Variants in NAA60 observed in about 807,000 individuals in gnomAD.
The protein encoded by NAA60 is N-alpha-acetyltransferase 60.
A neutral mutation model predicts 26.1 loss-of-function variants in NAA60; 8 were observed. The ratio of observed to expected loss-of-function variants is 0.31; its 90% CI spans 0.18 to 0.55. The LOEUF is 0.55. Among genes scored for constraint, NAA60 ranks in the 20% least tolerant of loss-of-function variants. NAA60 has a pLI of 0.93. For missense variants in NAA60, 290 were observed against 311.3 expected (o/e 0.93, Z 0.51); for synonymous variants, 131 against 122.5 (o/e 1.07, Z -0.46).
At chr16:3,479,681 C>G (rs753238926) in intron 4 of NAA60, 81 bp downstream of exon 4, 65 of 1,524,480 alleles carry the variant, frequency 4.3e-5, no homozygotes, top group Non-Finnish European at 5.6e-5. Context: ...ATCATGCTGC[C>G]TGCTCCACAG....
intron 2 of NAA60, among the ~76,000 whole-genome samples, chr16:3,453,665 C>G (rs1208166438): frequency 6.6e-6 from 1 of 152,086 alleles, no homozygotes; most frequent in Non-Finnish European, 1.5e-5. Context: ...GCCTCAGCCT[C>G]CGAAAGTGCT....
At chr16:3,458,316 C>G in intron 2 of NAA60, 2 of 477,366 alleles carry the variant, frequency 4.2e-6, no homozygotes, top group South Asian at 1.8e-4. Flanking sequence ...GAGGCAGGCC[C>G]GGCCGCGCCC....
At chr16:3,485,157 G>A in intron 7 of NAA60, 96 bp downstream of exon 7, 1 of 788,266 alleles carries the variant, frequency 1.3e-6, no homozygotes, top group South Asian at 1.5e-5. Flanking sequence ...AGAGCCGGAA[G>A]GGGCCGTGGG....
At chr16:3,449,698 G>T (rs2150945827) in intron 2 of NAA60, among the ~76,000 whole-genome samples, 1 of 152,198 alleles carries the variant, frequency 6.6e-6, no homozygotes, top group African/African-American at 2.4e-5. Flanking sequence ...TGGTTTGGCT[G>T]TGTCCCCACC....
intron 2 of NAA60, among the ~76,000 whole-genome samples, chr16:3,452,998 G>A (rs970838552): frequency 6.6e-6 from 1 of 152,094 alleles, no homozygotes; most frequent in Non-Finnish European, 1.5e-5. Context: ...GTGAGGCTGC[G>A]GGCCGTTTGC....
chr16:3,483,377 G>T lies in NAA60; in HGVS notation c.352G>T (p.Glu118Ter). Residue 118 changes from glutamate (E) to a stop codon, truncating the protein, a stop_gained, in exon 6 of 8, where the codon GAA (glutamate) becomes TAA (stop). Transcript: ENST00000407558. LOFTEE classifies it high-confidence loss of function. ...TTCTCCCCAAGGTTCCCTCTTACTT[G>T]AAAGTTTAAAGGATCACATATCAAC... ...RKHGIGSLLL[E>*]SLKDHISTTA... 6.2e-7 allele frequency: 1 copy of T among 1,610,856 alleles called. No homozygotes were observed.
chr16:3,444,071 T>C (rs774594801), intron 1 of NAA60, among the ~76,000 whole-genome samples: 2 of 152,230 alleles, frequency 1.3e-5, no homozygotes, highest in Non-Finnish European at 2.9e-5. Context: ...CATTACGTAT[T>C]GTACCCGCAG....
intron 2 of NAA60, among the ~76,000 whole-genome samples, chr16:3,452,655 A>G (rs1050758513): frequency 2.1e-5 from 3 of 145,012 alleles, no homozygotes; most frequent in African/African-American, 7.9e-5. Flanking sequence ...CCCCGTCTCA[A>G]AAAAAAAAAA....
intron 2 of NAA60, among the ~76,000 whole-genome samples, chr16:3,455,882 T>A (rs1382314927): frequency 1.3e-5 from 2 of 151,924 alleles, no homozygotes; most frequent in Non-Finnish European, 2.9e-5. Flanking sequence ...AATTTTTGTA[T>A]TTTTAGTAGC....
At chr16:3,463,984 G>T (rs1297822846) in intron 2 of NAA60, among the ~76,000 whole-genome samples, 1 of 152,232 alleles carries the variant, frequency 6.6e-6, no homozygotes, top group Non-Finnish European at 1.5e-5. Flanking sequence ...ACCGTCTGCT[G>T]CAATTGCTGG....
At chr16:3,445,121 G>C (rs145601900) in intron 1 of NAA60, among the ~76,000 whole-genome samples, 1 of 152,182 alleles carries the variant, frequency 6.6e-6, no homozygotes, top group African/African-American at 2.4e-5. Context: ...AGAATGGTAA[G>C]AACAAACTTG....
upstream of NAA60, chr16:3,443,667 T>C (rs553148938): frequency 1.9e-4 from 254 of 1,362,976 alleles, no homozygotes; most frequent in African/African-American, 3.3e-3. Context: ...TCCTTTTCTC[T>C]AAGCAACCAT....
intron 1 of NAA60, among the ~76,000 whole-genome samples, chr16:3,446,991 A>G (rs1256950775): frequency 6.6e-6 from 1 of 151,548 alleles, no homozygotes; most frequent in Non-Finnish European, 1.5e-5. Flanking sequence ...ATAGGTGCGT[A>G]CCACCACACC....
chr16:3,457,885 G>C (rs2035079035), intron 2 of NAA60: 1 of 786,236 alleles, frequency 1.3e-6, no homozygotes, highest in Non-Finnish European at 1.5e-6. Flanking sequence ...CGGGATCCTG[G>C]GCCTGGCTTC....
At chr16:3,472,123 G>T (rs2036188128) in intron 2 of NAA60, 1 of 152,412 alleles carries the variant, frequency 6.6e-6, no homozygotes, top group South Asian at 2.1e-4. Context: ...CCTCAGTGGA[G>T]TGTGCGGGCC....
chr16:3,459,992 T>C (rs2035274147), intron 2 of NAA60, among the ~76,000 whole-genome samples: 1 of 152,226 alleles, frequency 6.6e-6, no homozygotes, highest in African/African-American at 2.4e-5. Flanking sequence ...CAGGAGGGAT[T>C]GTGCCCTGTT....
chr16:3,461,960 A>G (rs1334538325), intron 2 of NAA60, among the ~76,000 whole-genome samples: 5 of 151,994 alleles, frequency 3.3e-5, no homozygotes, highest in African/African-American at 1.2e-4. Context: ...GGTGGTGCGC[A>G]TCTGTCATCC....
chr16:3,476,542 T>C (rs2151004772), intron 3 of NAA60, among the ~76,000 whole-genome samples: 1 of 152,294 alleles, frequency 6.6e-6, no homozygotes, highest in Middle Eastern at 3.4e-3. Flanking sequence ...GTGTGCAGAG[T>C]TCCCCAGAAG....
chr16:3,484,496 C>G lies in NAA60; in HGVS notation c.573-203C>G, dbSNP rs914635206. 63 of 649,206 alleles carry G rather than the reference C, an allele frequency of 9.7e-5. 1 individual carries two copies. The South Asian group carries it at 1.2e-3, about 13-fold the overall frequency. 40.2% of individuals were successfully genotyped at this position (649,206 alleles called of 1,614,324 possible). ...TCAGAAGGCCCTTCTGTCCCCAGACCCCACCCTCTGTTGTTTTGCACAGCA... is the reference window on the plus strand; with the variant it reads ...TCAGAAGGCCCTTCTGTCCCCAGACGCCACCCTCTGTTGTTTTGCACAGCA... On this transcript the variant is annotated intron_variant, in intron 6 of 7. Coordinates refer to ENST00000407558, the MANE Select transcript of NAA60 (RefSeq NM_001083601.3).
Sources: gnomAD v4.1 joint callset for allele counts (sites outside exome capture counted in the v4.1 genomes callset) on GRCh38, gnomAD v4.1.1 for gene constraint, MANE v1.5 for transcripts, NCBI Gene and HGNC (gene_info 2026-07-23, HGNC 2026-07-21) for gene names.